Variants in EIF2AK2 observed in about 807,000 individuals in gnomAD.
The protein encoded by EIF2AK2 is eukaryotic translation initiation factor 2 alpha kinase 2, also known as interferon-induced, double-stranded RNA-activated protein kinase.
Under a neutral mutation model 70.5 loss-of-function variants are expected in EIF2AK2, and 40 were observed. The ratio of observed to expected loss-of-function variants is 0.57; its 90% CI spans 0.44 to 0.74. The LOEUF (loss-of-function observed/expected upper bound fraction) is 0.74. Ranked by LOEUF, EIF2AK2 falls within the 30% of genes least tolerant of loss-of-function variation. The pLI is 0.00. For synonymous variants in EIF2AK2, 198 were observed against 220.9 expected (o/e 0.90, Z 0.92); for missense variants, 555 against 644.3 (o/e 0.86, Z 1.50).
At chr2:37,126,175 G>A (rs753512824) in intron 11 of EIF2AK2, 114 bp downstream of exon 11, 4 of 1,347,264 alleles carry the variant, frequency 3.0e-6, no homozygotes, top group Non-Finnish European at 4.0e-6. Context: ...AATGTTTAAT[G>A]AGGATCAGAA....
rs146599897 is a variant in EIF2AK2 at position 37,144,558 on chromosome 2, G to A, written c.240+2295C>T. On this transcript the variant is annotated intron_variant, in intron 4 of 16. Coordinates refer to ENST00000233057, the MANE Select transcript of EIF2AK2 (RefSeq NM_001135651.3). ...TGACGCTGTGTAGGCCTAGGCTGAT[G>A]TGTGTGTTTGTGTTGTAATTTTTTT... Among the ~76,000 whole-genome samples the A allele has an allele frequency of 6.6e-5, 10 of 151,850 alleles. No individual in the cohort carries two copies. The East Asian group carries it at 1.7e-3, about 26-fold the overall frequency.
intron 8 of EIF2AK2, among the ~76,000 whole-genome samples, chr2:37,137,232 A>G (rs1024119603): frequency 3.3e-5 from 5 of 152,174 alleles, no homozygotes; most frequent in African/African-American, 7.2e-5. Flanking sequence ...AATTGTTTTG[A>G]TTTAAATTTT....
At chr2:37,149,212 T>G in intron 1 of EIF2AK2, 189 bp from the exon 2 acceptor site, 1 of 1,112,472 alleles carries the variant, frequency 9.0e-7, no homozygotes, top group Non-Finnish European at 1.4e-6. Context: ...CTACCAAGTG[T>G]GGAGCTGAAT....
chr2:37,144,666 C>T (rs575448837), intron 4 of EIF2AK2, among the ~76,000 whole-genome samples: 3 of 151,962 alleles, frequency 2.0e-5, no homozygotes, highest in South Asian at 4.2e-4. Flanking sequence ...TCACTGCAGC[C>T]CTGACCTCTC....
At chr2:37,126,967 GAAA>G (rs57802509) in intron 10 of EIF2AK2, among the ~76,000 whole-genome samples, 196 of 52,126 alleles carry the variant, frequency 3.8e-3, no homozygotes, top group Non-Finnish European at 5.0e-3. Flanking sequence ...CAAAAAAACA[GAAA>G]AAAAAAAAAA....
chr2:37,122,359 C>T, intron 12 of EIF2AK2, 147 bp downstream of exon 12: 1 of 918,554 alleles, frequency 1.1e-6, no homozygotes, highest in Non-Finnish European at 1.6e-6. Flanking sequence ...TTTCTCCTTA[C>T]CTTCGGAATG....
At chr2:37,147,966 C>A in intron 2 of EIF2AK2, 144 bp from the exon 3 acceptor site, 1 of 498,982 alleles carries the variant, frequency 2.0e-6, no homozygotes. Flanking sequence ...CAGAGACTTT[C>A]TTTCAAAACC....
intron 4 of EIF2AK2, among the ~76,000 whole-genome samples, chr2:37,145,141 G>A (rs1169457811): frequency 7.7e-6 from 1 of 129,096 alleles, no homozygotes; most frequent in South Asian, 2.5e-4. Flanking sequence ...GGTTTTGTGG[G>A]TTTTTTTTTT....
chr2:37,130,390 A>G (rs1294314707), intron 10 of EIF2AK2, among the ~76,000 whole-genome samples: 1 of 152,146 alleles, frequency 6.6e-6, no homozygotes, highest in Non-Finnish European at 1.5e-5. Flanking sequence ...GGCGTGAGGC[A>G]CCGACCTGGC....
At position 37,122,486 on chromosome 2, in the gene EIF2AK2, G is replaced by A; in HGVS notation, c.1067+20C>T. ...TTTCCTTCCATCCTATTATGGCTAT[G>A]AGAATTTATTTTTAGTTACCTTGAA... On this transcript the variant is annotated intron_variant, in intron 12 of 16. Coordinates refer to ENST00000233057, the MANE Select transcript of EIF2AK2 (RefSeq NM_001135651.3). The A allele has an allele frequency of 1.2e-6, 2 of 1,611,496 alleles. No individual in the cohort carries two copies. Among genetic ancestry groups the A allele is most frequent in the South Asian group, 1.1e-5 (1 of 90,522 alleles).
intron 1 of EIF2AK2, among the ~76,000 whole-genome samples, chr2:37,150,210 T>C (rs1441079205): frequency 6.7e-6 from 1 of 149,676 alleles, no homozygotes; most frequent in Non-Finnish European, 1.5e-5. Flanking sequence ...CTTCACAACA[T>C]TGAAAGCACA....
intron 1 of EIF2AK2, among the ~76,000 whole-genome samples, chr2:37,149,780 T>G (rs1253490889): frequency 6.6e-6 from 1 of 152,212 alleles, no homozygotes; most frequent in Middle Eastern, 3.2e-3. Context: ...TCATGATCAG[T>G]GACCAGTCGT....
chr2:37,145,518 G>A (rs1184951229), intron 4 of EIF2AK2, among the ~76,000 whole-genome samples: 5 of 151,984 alleles, frequency 3.3e-5, no homozygotes, highest in African/African-American at 1.2e-4. Context: ...AAGTAAAAGA[G>A]TTATAGTAAG....
intron 15 of EIF2AK2, 74 bp downstream of exon 15, chr2:37,109,120 C>T (rs528020805): frequency 1.3e-5 from 17 of 1,352,584 alleles, no homozygotes; most frequent in South Asian, 8.6e-5. Context: ...AGGGCAAGAA[C>T]TGTCTGCAGC....
rs1364492271 is a variant in EIF2AK2 at position 37,107,318 on chromosome 2, A to G, written c.1611T>C (p.Thr537=). ...TTTTCTCTGGGCTTTTCTTCCACAC[A>G]GTCAAGGTCCTTAGTATTTCAGATG... ...PNTSEILRTL[T]VWKKSPEKNE... Residue 537 remains threonine (T), a synonymous_variant, in exon 17 of 17, where the codon ACT becomes ACC. Transcript: ENST00000233057. The G allele has an allele frequency of 3.1e-6, 5 of 1,613,852 alleles. No homozygotes were observed. The South Asian group carries it at 3.3e-5, about 11-fold the overall frequency.
chr2:37,124,365 G>T (rs1421000266), intron 11 of EIF2AK2, among the ~76,000 whole-genome samples: 4 of 152,028 alleles, frequency 2.6e-5, no homozygotes, highest in Admixed American at 1.3e-4. Flanking sequence ...GGGTTCAAGC[G>T]ATTCTCCTGC....
At chr2:37,148,571 G>T in intron 2 of EIF2AK2, 1 of 775,208 alleles carries the variant, frequency 1.3e-6, no homozygotes, top group South Asian at 1.4e-5. Context: ...TACTACAAAT[G>T]AGTGCCATAA....
In EIF2AK2 at chr2:37,116,054, G is replaced by T. The variant is rs551520728; in HGVS notation, c.1249-1195C>A. ...TGGGATTACAGGCATGTGCCACAAC[G>T]CTTGGCTAATTTTTTTGTATTTTTA... On this transcript the variant is annotated intron_variant, in intron 13 of 16. Transcript: ENST00000233057. 4.0e-4 allele frequency among the ~76,000 whole-genome samples: 60 copies of T among 151,738 alleles called. No individual in the cohort carries two copies. In the South Asian group the frequency reaches 8.3e-3, roughly 21 times the overall value.
At chr2:37,148,300 G>A (rs1366650801) in intron 2 of EIF2AK2, among the ~76,000 whole-genome samples, 1 of 152,168 alleles carries the variant, frequency 6.6e-6, no homozygotes, top group East Asian at 1.9e-4. Context: ...AAAGGCTGCA[G>A]GATTGTAGAA....
Sources: allele counts gnomAD v4.1 joint callset (sites outside exome capture counted in the v4.1 genomes callset), GRCh38; gene constraint gnomAD v4.1.1; transcripts MANE v1.5; gene names NCBI Gene and HGNC (gene_info 2026-07-23, HGNC 2026-07-21).